KPNA5: variants seen among roughly 807,000 people sequenced by gnomAD.
KPNA5 encodes karyopherin subunit alpha 5, also known as importin subunit alpha-6.
A neutral mutation model predicts 71.3 loss-of-function variants in KPNA5; 46 were observed. That is an observed-to-expected ratio of 0.65 (90% CI 0.51 to 0.83). The LOEUF (loss-of-function observed/expected upper bound fraction) is 0.83. KPNA5 is among the 40% of genes least tolerant of loss of function. The pLI, the probability that KPNA5 is intolerant of heterozygous loss-of-function variation, is 0.00. For synonymous variants in KPNA5, 207 were observed against 201.4 expected (o/e 1.03, Z -0.24); for missense variants, 547 against 628.3 (o/e 0.87, Z 1.38).
chr6:116,699,100 A>T (rs188868718), intron 5 of KPNA5, among the ~76,000 whole-genome samples: 5 of 152,208 alleles, frequency 3.3e-5, no homozygotes, highest in Admixed American at 3.3e-4. Context: ...AGACTAAAAT[A>T]TTGTTAAATT....
intron 1 of KPNA5, among the ~76,000 whole-genome samples, chr6:116,683,992 A>C (rs1289901199): frequency 1.5e-5 from 2 of 135,338 alleles, no homozygotes; most frequent in Non-Finnish European, 3.0e-5. Flanking sequence ...GGCTCACTGC[A>C]ACCTCTGCCT....
intron 7 of KPNA5, among the ~76,000 whole-genome samples, chr6:116,712,541 C>T (rs1215999838): frequency 6.6e-6 from 1 of 152,182 alleles, no homozygotes; most frequent in Non-Finnish European, 1.5e-5. Context: ...TTAATATATT[C>T]TGCCAGTTAC....
rs756692228 is a variant in KPNA5, at chr6:116,698,659, T to C, written c.341-45T>C. 75 of 1,163,866 alleles carry C rather than the reference T, an allele frequency of 6.4e-5. No individual in the cohort carries two copies. In the African/African-American group the frequency reaches 1.0e-3, roughly 16 times the overall value. The allele number at this position is 1,163,866 out of a possible 1,614,324, so 72.1% of individuals were successfully genotyped here. A position where few individuals can be genotyped will look rare whatever the true frequency, so the allele number is the denominator to read the frequency against. Reference sequence around the variant, plus strand: ...AATGGACACAGGGACTAGATTGTTTTCTTTTTGTGTCTTTGTAATAACTGA... The same window carrying C: ...AATGGACACAGGGACTAGATTGTTTCCTTTTTGTGTCTTTGTAATAACTGA... On this transcript the variant is annotated intron_variant, in intron 4 of 13. Transcript: ENST00000368564.
Position 116,735,827 on chromosome 6 carries a change from C to A in KPNA5, c.*3504C>A, listed in dbSNP as rs1270990659. On this transcript the variant is annotated 3_prime_UTR_variant, in exon 14 of 14. Transcript: ENST00000368564. ...AGAGAAAAAACAAATGAAGATGGAA[C>A]AAATAGCAAGAAAGATCAAACTCAG... The A allele has an allele frequency of 1.3e-5, 2 of 151,630 alleles. No individual in the cohort carries two copies. The highest frequency in any genetic ancestry group is 1.9e-4 in the East Asian group (1 of 5,168). The allele number at this position is 151,630 out of a possible 1,614,324, so 9.4% of individuals were successfully genotyped here. A position where few individuals can be genotyped will look rare whatever the true frequency, so the allele number is the denominator to read the frequency against.
intron 7 of KPNA5, among the ~76,000 whole-genome samples, chr6:116,707,416 AC>A (rs1778488140): frequency 6.6e-6 from 1 of 152,128 alleles, no homozygotes; most frequent in Non-Finnish European, 1.5e-5. Flanking sequence ...TCTCATAATA[AC>A]CCCATTAATA....
rs1344751454 is a variant in KPNA5, at chr6:116,717,229, A to G, written c.756+911A>G. Among the ~76,000 whole-genome samples the G allele has an allele frequency of 4.6e-5, 7 of 152,358 alleles. 1 individual carries two copies. In the East Asian group the frequency reaches 1.3e-3, roughly 29 times the overall value. On this transcript the variant is annotated intron_variant, in intron 8 of 13. Transcript: ENST00000368564. ...TGTACCTTTAGTGCAAATGTCAACA[A>G]AATGAGAAAGACGAATGATGTCTTA... is the stretch of plus-strand genomic sequence containing the variant.
intron 1 of KPNA5, chr6:116,681,618 C>G (rs532615674): frequency 2.0e-6 from 2 of 1,019,340 alleles, no homozygotes; most frequent in South Asian, 7.9e-5. Flanking sequence ...TTCGCCGCCC[C>G]GCCTCACCGT....
chr6:116,729,844 A>G, intron 13 of KPNA5, 103 bp downstream of exon 13: 3 of 691,268 alleles, frequency 4.3e-6, no homozygotes, highest in Non-Finnish European at 6.6e-6. Context: ...AGCAGTATGT[A>G]TTTTTTTAAG....
intron 7 of KPNA5, among the ~76,000 whole-genome samples, chr6:116,710,034 C>T (rs182180099): frequency 8.5e-5 from 13 of 152,346 alleles, no homozygotes; most frequent in African/African-American, 2.9e-4. Flanking sequence ...GCTGGGATTA[C>T]AGGCATGAGT....
In KPNA5 at chr6:116,738,719, C is replaced by T. The variant is rs1006961861; in HGVS notation, c.*6396C>T. The T allele has an allele frequency of 6.6e-6, 1 of 152,012 alleles. No individual in the cohort carries two copies. Among genetic ancestry groups the T allele is most frequent in the African/African-American group, 2.4e-5 (1 of 41,372 alleles). 9.4% of individuals were successfully genotyped at this position (152,012 alleles called of 1,614,324 possible). A position where few individuals can be genotyped will look rare whatever the true frequency, so the allele number is the denominator to read the frequency against. On this transcript the variant is annotated 3_prime_UTR_variant, in exon 14 of 14. Coordinates refer to ENST00000368564, the MANE Select transcript of KPNA5 (RefSeq NM_001366306.2). ...ATATACGCAAATCAATAAATGTAAT[C>T]CAGCATATAAACAGAACCAAAGACA... is the stretch of plus-strand genomic sequence containing the variant.
chr6:116,739,204 A>C lies in KPNA5; in HGVS notation c.*6881A>C, dbSNP rs1367062859. The C allele has an allele frequency of 6.6e-6, 1 of 152,226 alleles. No homozygotes were observed. Among genetic ancestry groups the C allele is most frequent in the Non-Finnish European group, 1.5e-5 (1 of 68,060 alleles). The allele number at this position is 152,226 out of a possible 1,614,324, so 9.4% of individuals were successfully genotyped here. A position where few individuals can be genotyped will look rare whatever the true frequency, so the allele number is the denominator to read the frequency against. ...AAAATCACAAGAATTCTTATACACC[A>C]ATAACAGACAAACAGCCAAATCATG... On this transcript the variant is annotated 3_prime_UTR_variant, in exon 14 of 14. Transcript: ENST00000368564.
chr6:116,732,312 T>C lies in KPNA5; in HGVS notation c.1609T>C (p.Phe537Leu). 6.7e-7 allele frequency: 1 copy of C among 1,500,074 alleles called. No individual in the cohort carries two copies. Among genetic ancestry groups the C allele is most frequent in the Non-Finnish European group, 8.9e-7 (1 of 1,121,682 alleles). The allele number at this position is 1,500,074 out of a possible 1,614,324, so 92.9% of individuals were successfully genotyped here. Residue 537 changes from phenylalanine to leucine, a missense_variant, in exon 14 of 14, where the codon TTT (phenylalanine) becomes CTT (leucine). Coordinates refer to ENST00000368564, the MANE Select transcript of KPNA5 (RefSeq NM_001366306.2). ...FQQQEAPMDG[F>L]QL ...GCAGCAGGAAGCACCAATGGATGGATTTCAACTTTAACTTACTGGAGGAAA... is the reference window on the plus strand; with the variant it reads ...GCAGCAGGAAGCACCAATGGATGGACTTCAACTTTAACTTACTGGAGGAAA...
Position 116,716,285 on chromosome 6 carries a change from T to C in KPNA5, c.723T>C (p.Cys241=). Reference sequence around the variant, plus strand: ...CCGTGTGGGCCCTCTCAAATTTATGTAGAGGCAAAAACCCTCCTCCAAACT... The same window carrying C: ...CCGTGTGGGCCCTCTCAAATTTATGCAGAGGCAAAAACCCTCCTCCAAACT... ...RNAVWALSNL[C]RGKNPPPNFS... The change falls in exon 8 of 14, where the codon TGT becomes TGC. Residue 241 remains cysteine (C), a synonymous_variant. Coordinates refer to ENST00000368564, the MANE Select transcript of KPNA5 (RefSeq NM_001366306.2). 6.2e-7 allele frequency: 1 copy of C among 1,613,188 alleles called. No individual in the cohort carries two copies. The highest frequency in any genetic ancestry group is 8.5e-7 in the Non-Finnish European group (1 of 1,179,522).
At chr6:116,721,844 C>CT (rs1779116254) in intron 8 of KPNA5, among the ~76,000 whole-genome samples, 1 of 151,992 alleles carries the variant, frequency 6.6e-6, no homozygotes, top group Non-Finnish European at 1.5e-5. Context: ...TTTTGGTATG[C>CT]TTTTTTTGTG....
At chr6:116,712,062 C>T (rs1490949732) in intron 7 of KPNA5, among the ~76,000 whole-genome samples, 2 of 152,202 alleles carry the variant, frequency 1.3e-5, no homozygotes, top group African/African-American at 2.4e-5. Flanking sequence ...CTGCCTCAGC[C>T]TCCTGAATAG....
chr6:116,728,605 A>G lies in KPNA5; in HGVS notation c.1254-958A>G, dbSNP rs1201218482. Among the ~76,000 whole-genome samples, 3 of 152,292 alleles carry G rather than the reference A, an allele frequency of 2.0e-5. No individual in the cohort carries two copies. The East Asian group carries it at 5.8e-4, about 29-fold the overall frequency. ...ACAGATATTTTTGACCAATTACAGT[A>G]CAGTATAGGGCAAATGAGTGCTCTG... On this transcript the variant is annotated intron_variant, in intron 12 of 13. Coordinates refer to ENST00000368564, the MANE Select transcript of KPNA5 (RefSeq NM_001366306.2).
intron 8 of KPNA5, among the ~76,000 whole-genome samples, chr6:116,718,255 AT>A (rs1292967188): frequency 3.5e-4 from 49 of 140,182 alleles, no homozygotes; most frequent in Admixed American, 1.1e-3. Context: ...ATGTCTTTTA[AT>A]TTTTTTTTTC....
At chr6:116,724,774 A>AATTT (rs547339526) in intron 10 of KPNA5, among the ~76,000 whole-genome samples, 7 of 151,746 alleles carry the variant, frequency 4.6e-5, no homozygotes, top group South Asian at 4.2e-4. Context: ...ACACCTGGCT[A>AATTT]ATTTATTTAT....
chr6:116,697,141 T>C lies in KPNA5; in HGVS notation c.341-1563T>C, dbSNP rs1778059171. 2.0e-5 allele frequency among the ~76,000 whole-genome samples: 3 copies of C among 152,090 alleles called. No homozygotes were observed. The South Asian group carries it at 6.2e-4, about 31-fold the overall frequency. On this transcript the variant is annotated intron_variant, in intron 4 of 13. Coordinates refer to ENST00000368564, the MANE Select transcript of KPNA5 (RefSeq NM_001366306.2). ...AGGATAATATATTTATGATTTGCTT[T>C]GGAAATAAAGGAAAAACAAGAAAGT...
Sources: allele counts gnomAD v4.1 joint callset (sites outside exome capture counted in the v4.1 genomes callset), GRCh38; gene constraint gnomAD v4.1.1; transcripts MANE v1.5; gene names NCBI Gene and HGNC (gene_info 2026-07-23, HGNC 2026-07-21).